Variants in ADCY8 observed in about 807,000 individuals in gnomAD.
The protein encoded by ADCY8 is adenylate cyclase type 8.
Under a neutral mutation model 119.7 loss-of-function variants are expected in ADCY8, and 51 were observed. That is an observed-to-expected ratio of 0.43 (90% CI 0.34 to 0.54). ADCY8 has a LOEUF of 0.54. ADCY8 is among the 20% of genes least tolerant of loss of function. The pLI is 0.03. For synonymous variants in ADCY8, 665 were observed against 651.0 expected (o/e 1.02, Z -0.33); for missense variants, 1,383 against 1,598.8 (o/e 0.87, Z 2.30).
At chr8:131,029,221 C>T (rs1257748372) in intron 1 of ADCY8, among the ~76,000 whole-genome samples, 3 of 152,154 alleles carry the variant, frequency 2.0e-5, no homozygotes, top group Admixed American at 2.0e-4. Flanking sequence ...TCACTGTCTC[C>T]CATCATCCCC....
intron 1 of ADCY8, among the ~76,000 whole-genome samples, chr8:130,996,615 G>C (rs1211744948): frequency 6.6e-6 from 1 of 151,932 alleles, no homozygotes; most frequent in Non-Finnish European, 1.5e-5. Flanking sequence ...TCCCAAAAAA[G>C]ATAATTGGTC....
At chr8:130,819,747 G>A (rs1328369534) in intron 13 of ADCY8, among the ~76,000 whole-genome samples, 2 of 151,662 alleles carry the variant, frequency 1.3e-5, no homozygotes, top group Non-Finnish European at 2.9e-5. Context: ...CAGAAGACAA[G>A]ACCCCAGTCC....
intron 14 of ADCY8, among the ~76,000 whole-genome samples, chr8:130,811,495 T>A (rs1025093791): frequency 6.6e-6 from 1 of 152,242 alleles, no homozygotes; most frequent in East Asian, 1.9e-4. Flanking sequence ...GTCTTAGAGT[T>A]CGTAATTCTT....
chr8:131,035,429 G>A (rs1369981729), intron 1 of ADCY8, among the ~76,000 whole-genome samples: 1 of 152,124 alleles, frequency 6.6e-6, no homozygotes, highest in Non-Finnish European at 1.5e-5. Context: ...TGTTTGTAGT[G>A]TGTTAATTGA....
Position 130,925,371 on chromosome 8 carries a change from A to G in ADCY8, c.1481+11702T>C, listed in dbSNP as rs73346476. 2.3e-3 allele frequency among the ~76,000 whole-genome samples: 348 copies of G among 152,346 alleles called. 3 individuals are homozygous for G. The highest frequency in any genetic ancestry group is 8.2e-3 in the African/African-American group (339 of 41,582). ...TCAGCCTCCCTTGCAATATTCTATT[A>G]AAAATATTTCCATAGTGATAACATG... On this transcript the variant is annotated intron_variant, in intron 5 of 17. Transcript: ENST00000286355.
chr8:130,997,292 C>T lies in ADCY8; in HGVS notation c.961-6750G>A, dbSNP rs143073058. 8.7e-4 allele frequency among the ~76,000 whole-genome samples: 133 copies of T among 152,048 alleles called. 2 individuals carry two copies. In the East Asian group the frequency reaches 0.022, roughly 25 times the overall value. Reference sequence around the variant, plus strand: ...ATAAAAATAAGTACGTAAGTCTGCACGCACTTGTGTAAATATGTGTGTATC... The same window carrying T: ...ATAAAAATAAGTACGTAAGTCTGCATGCACTTGTGTAAATATGTGTGTATC... On this transcript the variant is annotated intron_variant, in intron 1 of 17. Coordinates refer to ENST00000286355, the MANE Select transcript of ADCY8 (RefSeq NM_001115.3).
At chr8:130,785,256 C>A in intron 16 of ADCY8, 127 bp downstream of exon 16, 2 of 584,524 alleles carry the variant, frequency 3.4e-6, no homozygotes, top group Admixed American at 7.0e-5. Context: ...CTATTATAAT[C>A]CAGTCCATTA....
intron 12 of ADCY8, among the ~76,000 whole-genome samples, chr8:130,826,273 C>A (rs1045743210): frequency 6.6e-6 from 1 of 152,084 alleles, no homozygotes; most frequent in Non-Finnish European, 1.5e-5. Flanking sequence ...GACATATGAA[C>A]TATTAAGTAT....
intron 12 of ADCY8, among the ~76,000 whole-genome samples, 162 bp from the exon 13 acceptor site, chr8:130,821,582 T>C (rs865837919): frequency 1.1e-4 from 17 of 152,312 alleles, no homozygotes; most frequent in Middle Eastern, 6.8e-3. Flanking sequence ...CATTGGCTAA[T>C]TCAAAAATCA....
intron 5 of ADCY8, among the ~76,000 whole-genome samples, chr8:130,933,171 C>G (rs1198462082): frequency 6.6e-6 from 1 of 151,704 alleles, no homozygotes. Flanking sequence ...TAAAGAGGGT[C>G]AACACGAAAT....
chr8:131,027,557 G>A lies in ADCY8; in HGVS notation c.960+11817C>T, dbSNP rs186305767. On this transcript the variant is annotated intron_variant, in intron 1 of 17. Transcript: ENST00000286355. Reference sequence around the variant, plus strand: ...AACAGAAAGAGCAGGATAGAGAGCTGTGGACAGACCCCAGCAATGGAAGAC... The same window carrying A: ...AACAGAAAGAGCAGGATAGAGAGCTATGGACAGACCCCAGCAATGGAAGAC... Among the ~76,000 whole-genome samples the A allele has an allele frequency of 3.3e-5, 5 of 152,294 alleles. No individual in the cohort carries two copies. In the East Asian group the frequency reaches 9.7e-4, roughly 29 times the overall value.
intron 13 of ADCY8, among the ~76,000 whole-genome samples, chr8:130,817,616 G>A (rs924539044): frequency 1.3e-5 from 2 of 152,146 alleles, no homozygotes; most frequent in Non-Finnish European, 1.5e-5. Context: ...GACACGTTTA[G>A]CTTAATAAGA....
At chr8:130,865,344 T>A (rs1818078787) in intron 9 of ADCY8, among the ~76,000 whole-genome samples, 1 of 152,020 alleles carries the variant, frequency 6.6e-6, no homozygotes, top group South Asian at 2.1e-4. Flanking sequence ...TATATATATT[T>A]TAAAATTTTT....
Position 131,040,153 on chromosome 8 carries a change from C to T in ADCY8, c.181G>A (p.Gly61Arg). Residue 61 changes from glycine (G) to arginine (R), a missense_variant, in exon 1 of 18, where the codon GGG becomes AGG. Gly to Arg is a moderately radical substitution (Grantham distance 125). Transcript: ENST00000286355. ...GAGGCTTTGCCCGAGCCTCCACTCC[C>T]GCTGCCGCTGCCTCCCCGGTGCCCG... ...IHGHRGGSGS[G>R]SGGSGKASDP... 1 of 1,532,796 alleles carries T rather than the reference C, an allele frequency of 6.5e-7. No homozygotes were observed. Among genetic ancestry groups the T allele is most frequent in the East Asian group, 2.4e-5 (1 of 40,846 alleles). 94.9% of individuals were successfully genotyped at this position (1,532,796 alleles called of 1,614,324 possible). A position where few individuals can be genotyped will look rare whatever the true frequency, so the allele number is the denominator to read the frequency against.
At chr8:130,918,379 A>C (rs1004532378) in intron 5 of ADCY8, among the ~76,000 whole-genome samples, 2 of 152,122 alleles carry the variant, frequency 1.3e-5, no homozygotes, top group African/African-American at 2.4e-5. Flanking sequence ...ATTTAAACCT[A>C]ATTAGATCCC....
chr8:130,783,088 G>A (rs936836127), intron 17 of ADCY8, among the ~76,000 whole-genome samples: 1 of 151,590 alleles, frequency 6.6e-6, no homozygotes, highest in Non-Finnish European at 1.5e-5. Flanking sequence ...ATTTTAGGAG[G>A]TCACTGAGGC....
rs543256512 is a variant in ADCY8, at chr8:130,829,246, G to A, written c.2675+7031C>T. On this transcript the variant is annotated intron_variant, in intron 12 of 17. Transcript: ENST00000286355. ...ATAAAATATCTTAAGCACTGATCTT[G>A]AGAGCAGTTTAGAGAGGGTCAAAAT... is the stretch of plus-strand genomic sequence containing the variant. Among the ~76,000 whole-genome samples the A allele has an allele frequency of 3.3e-5, 5 of 152,320 alleles. No homozygotes were observed. The East Asian group carries it at 9.7e-4, about 29-fold the overall frequency.
At chr8:130,787,014 C>T (rs748971517) in intron 15 of ADCY8, among the ~76,000 whole-genome samples, 1 of 151,914 alleles carries the variant, frequency 6.6e-6, no homozygotes, top group East Asian at 1.9e-4. Context: ...AGAGTGAAGA[C>T]GAGGTCAGTT....
In ADCY8 at chr8:130,909,831, A is replaced by G; in HGVS notation, c.1517T>C (p.Met506Thr). The G allele has an allele frequency of 6.2e-7, 1 of 1,614,178 alleles. No individual in the cohort carries two copies. The highest frequency in any genetic ancestry group is 8.5e-7 in the Non-Finnish European group (1 of 1,180,030). ...CGAGCCGGAGTGGATTCCAATCCTC[A>G]TGTCAACATCGTGTTTTGTCCTTGA... ...VRSRTKHDVDMRIGIHSGSVL... is the reference protein window; with the variant it reads ...VRSRTKHDVDTRIGIHSGSVL... The change falls in exon 6 of 18, where the codon ATG becomes ACG. Residue 506 changes from methionine to threonine, a missense_variant. Around this residue, in one of 2 missense-constraint regions of ADCY8, gnomAD observed 928 missense variants for 1,163.5 expected, o/e 0.80. Transcript: ENST00000286355.
Sources: gnomAD v4.1 joint callset for allele counts (sites outside exome capture counted in the v4.1 genomes callset) on GRCh38, gnomAD v4.1.1 for gene constraint, gnomAD v4.1.1 regional missense constraint, MANE v1.5 for transcripts, NCBI Gene and HGNC (gene_info 2026-07-23, HGNC 2026-07-21) for gene names.